PKP4: variants seen among roughly 807,000 people sequenced by gnomAD.
The protein encoded by PKP4 is plakophilin-4.
Under a neutral mutation model 145.1 loss-of-function variants are expected in PKP4, and 90 were observed. That is an observed-to-expected ratio of 0.62 (90% CI 0.52 to 0.74). PKP4 has a LOEUF of 0.74. Among genes scored for constraint, PKP4 ranks in the 30% least tolerant of loss-of-function variants. PKP4 has a pLI of 0.00. For missense variants in PKP4, 1,340 were observed against 1,482.7 expected (o/e 0.90, Z 1.58); for synonymous variants, 563 against 577.2 (o/e 0.98, Z 0.35).
rs200755454 is a variant in PKP4 at position 158,662,899 on chromosome 2, G to A, written c.2214G>A (p.Thr738=). 105 of 1,591,390 alleles carry A rather than the reference G, an allele frequency of 6.6e-5. No homozygotes were observed. The highest frequency in any genetic ancestry group is 5.0e-4 in the African/African-American group (37 of 73,724). ...TTATACGCCATGCTGGGTTTCAGAC[G>A]GTGGAGAACTGCGTGTGCACCCTGA... ...CVNTSDYDSK[T]VENCVCTLRN... The change falls in exon 14 of 22, where the codon ACG becomes ACA. Residue 738 remains threonine (T), a splice_region_variant and synonymous_variant. Coordinates refer to ENST00000389759, the MANE Select transcript of PKP4 (RefSeq NM_003628.6).
intron 2 of PKP4, among the ~76,000 whole-genome samples, chr2:158,550,134 G>C (rs994977200): frequency 9.8e-6 from 1 of 102,516 alleles, no homozygotes; most frequent in African/African-American, 2.7e-5. Flanking sequence ...TTACTTTTCT[G>C]CCAAGAAGAA....
At chr2:158,465,964 C>T (rs1209037646) in intron 1 of PKP4, among the ~76,000 whole-genome samples, 2 of 152,172 alleles carry the variant, frequency 1.3e-5, no homozygotes, top group African/African-American at 4.8e-5. Context: ...GATAGTATAT[C>T]GGCAAGTGTC....
chr2:158,575,775 A>G (rs1449183020), intron 2 of PKP4, among the ~76,000 whole-genome samples: 3 of 151,890 alleles, frequency 2.0e-5, no homozygotes, highest in African/African-American at 4.8e-5. Context: ...AATGAAGTGA[A>G]CAAATAGAAG....
intron 1 of PKP4, among the ~76,000 whole-genome samples, chr2:158,502,798 G>A (rs901991258): frequency 6.6e-6 from 1 of 152,224 alleles, no homozygotes; most frequent in Non-Finnish European, 1.5e-5. Context: ...TTTACATTTA[G>A]TACAACTTTT....
intron 1 of PKP4, among the ~76,000 whole-genome samples, chr2:158,522,006 A>C (rs936016406): frequency 3.9e-5 from 6 of 152,218 alleles, no homozygotes; most frequent in African/African-American, 1.4e-4. Context: ...TTGTCATATC[A>C]GTTTTGAAAT....
At chr2:158,545,679 C>A (rs1028218342) in intron 2 of PKP4, among the ~76,000 whole-genome samples, 1 of 152,104 alleles carries the variant, frequency 6.6e-6, no homozygotes, top group Non-Finnish European at 1.5e-5. Context: ...TAGGTTTATG[C>A]TTGATTTAAA....
intron 1 of PKP4, among the ~76,000 whole-genome samples, chr2:158,532,605 C>T (rs1301975537): frequency 2.0e-5 from 3 of 151,258 alleles, no homozygotes; most frequent in Non-Finnish European, 2.9e-5. Context: ...TATGTGTTGT[C>T]TTAGGAAAGG....
intron 1 of PKP4, among the ~76,000 whole-genome samples, chr2:158,475,187 T>C (rs1479996517): frequency 6.6e-6 from 1 of 152,174 alleles, no homozygotes; most frequent in Non-Finnish European, 1.5e-5. Flanking sequence ...TATAGCTGTC[T>C]TAAGGAAGTT....
chr2:158,564,556 G>A (rs570678989), intron 2 of PKP4, among the ~76,000 whole-genome samples: 1 of 152,204 alleles, frequency 6.6e-6, no homozygotes, highest in South Asian at 2.1e-4. Context: ...ATTTTAATAG[G>A]TATTACCAGA....
At chr2:158,562,441 G>A (rs556111856) in intron 2 of PKP4, among the ~76,000 whole-genome samples, 16 of 152,220 alleles carry the variant, frequency 1.1e-4, no homozygotes, top group African/African-American at 3.4e-4. Flanking sequence ...TAGAGTAGTC[G>A]AATTCATAGA....
At position 158,658,268 on chromosome 2, in the gene PKP4, A is replaced by G; in HGVS notation, c.2047A>G (p.Lys683Glu). 1 of 1,608,124 alleles carries G rather than the reference A, an allele frequency of 6.2e-7. No individual in the cohort carries two copies. Among genetic ancestry groups the G allele is most frequent in the Non-Finnish European group, 8.5e-7 (1 of 1,175,642 alleles). ...TTCTTTTGATGATGATCATAAAATTAAATTTCAGACTTCACTAGTTCTGCG... is the reference window on the plus strand; with the variant it reads ...TTCTTTTGATGATGATCATAAAATTGAATTTCAGACTTCACTAGTTCTGCG... ...NSSFDDDHKI[K>E]FQTSLVLRNT... Residue 683 changes from lysine to glutamate, a missense_variant, in exon 12 of 22, where the codon AAA (lysine) becomes GAA (glutamate). Physicochemically the swap from Lys to Glu is moderately conservative, Grantham distance 56. Coordinates refer to ENST00000389759, the MANE Select transcript of PKP4 (RefSeq NM_003628.6).
At chr2:158,512,280 T>G (rs2041584662) in intron 1 of PKP4, among the ~76,000 whole-genome samples, 1 of 152,264 alleles carries the variant, frequency 6.6e-6, no homozygotes, top group Non-Finnish European at 1.5e-5. Flanking sequence ...AAACAAAATC[T>G]GTAAACAGAT....
At chr2:158,533,466 G>GT in intron 2 of PKP4, 150 bp downstream of exon 2, 2 of 950,484 alleles carry the variant, frequency 2.1e-6, no homozygotes, top group Non-Finnish European at 3.3e-6. Context: ...ACATTGGGAT[G>GT]ACTGGCATGT....
intron 10 of PKP4, among the ~76,000 whole-genome samples, chr2:158,641,462 G>T (rs2528636): frequency 0.48 from 72,633 of 151,676 alleles, 18,392 homozygotes; most frequent in East Asian, 0.78. Context: ...CCATCACTAA[G>T]GCTGAACATA....
intron 1 of PKP4, among the ~76,000 whole-genome samples, chr2:158,477,119 G>A (rs914437906): frequency 1.3e-5 from 2 of 152,060 alleles, no homozygotes. Flanking sequence ...CTGCCTTGAA[G>A]TTAAGCCACA....
Position 158,678,765 on chromosome 2 carries a change from T to C in PKP4, c.3330+111T>C. 4 of 769,710 alleles carry C rather than the reference T, an allele frequency of 5.2e-6. No individual in the cohort carries two copies. The Admixed American group carries it at 7.6e-5, about 15-fold the overall frequency. The allele number at this position is 769,710 out of a possible 1,614,324, so 47.7% of individuals were successfully genotyped here. ...GCCAACATGGCAGGGTCCTAGATGC[T>C]TTCCCTGGGGATCTTCACTCCTTGG... On this transcript the variant is annotated intron_variant, in intron 21 of 21. Coordinates refer to ENST00000389759, the MANE Select transcript of PKP4 (RefSeq NM_003628.6).
intron 11 of PKP4, among the ~76,000 whole-genome samples, chr2:158,655,537 A>C (rs1340254010): frequency 6.8e-6 from 1 of 147,308 alleles, no homozygotes; most frequent in Non-Finnish European, 1.5e-5. Flanking sequence ...AGGTTGTTTA[A>C]TTTTCTGTAT....
intron 1 of PKP4, among the ~76,000 whole-genome samples, chr2:158,528,489 G>A (rs2043170860): frequency 1.0e-5 from 1 of 99,452 alleles, no homozygotes; most frequent in South Asian, 5.1e-4. Context: ...GACTGTGGTG[G>A]GGTGGGGGGA....
intron 11 of PKP4, among the ~76,000 whole-genome samples, chr2:158,650,801 A>G (rs1444399331): frequency 6.6e-6 from 1 of 150,666 alleles, no homozygotes; most frequent in Non-Finnish European, 1.5e-5. Context: ...TGTGCAGGAA[A>G]TCCCAGAGAA....
Sources: allele counts gnomAD v4.1 joint callset (sites outside exome capture counted in the v4.1 genomes callset), GRCh38; gene constraint gnomAD v4.1.1; transcripts MANE v1.5; gene names NCBI Gene and HGNC (gene_info 2026-07-23, HGNC 2026-07-21).